Variants in EYS observed in about 807,000 individuals in gnomAD.
EYS encodes the protein protein eyes shut homolog.
In EYS, 250 loss-of-function variants were observed where a neutral mutation model predicts 282.1. That is an observed-to-expected ratio of 0.89 (90% CI 0.80 to 0.98). The LOEUF (loss-of-function observed/expected upper bound fraction) is 0.98. EYS is among the 50% of genes least tolerant of loss of function. EYS has a pLI of 0.00. For synonymous variants in EYS, 1,355 were observed against 1,282.9 expected, an observed-to-expected ratio of 1.06 and a Z score of -1.20; for missense variants, 4,016 against 3,709.0, an observed-to-expected ratio of 1.08 and a Z score of -2.15.
At chr6:65,694,751 A>AC (rs1474855964) in intron 1 of EYS, among the ~76,000 whole-genome samples, 1 of 150,044 alleles carries the variant, frequency 6.7e-6, no homozygotes, top group Non-Finnish European at 1.5e-5. Context: ...TTAAAAAAAA[A>AC]AAAAAAACTT....
At chr6:65,011,340 A>G (rs773245195) in intron 13 of EYS, among the ~76,000 whole-genome samples, 4 of 152,188 alleles carry the variant, frequency 2.6e-5, no homozygotes, top group Non-Finnish European at 5.9e-5. Context: ...TGCAGGCCAT[A>G]CATTTCAATC....
chr6:64,322,314 G>T (rs1770244053), intron 29 of EYS, among the ~76,000 whole-genome samples: 1 of 151,952 alleles, frequency 6.6e-6, no homozygotes, highest in Admixed American at 6.6e-5. Flanking sequence ...GTGGGGCTAG[G>T]TGTTGGTGCA....
intron 14 of EYS, among the ~76,000 whole-genome samples, chr6:64,966,852 C>T (rs547524155): frequency 2.0e-4 from 30 of 152,240 alleles, no homozygotes; most frequent in African/African-American, 7.0e-4. Flanking sequence ...TATAAAGTAA[C>T]TTTCACAAGT....
At chr6:64,131,619 A>G (rs996531028) in intron 31 of EYS, among the ~76,000 whole-genome samples, 13 of 152,280 alleles carry the variant, frequency 8.5e-5, no homozygotes, top group Admixed American at 5.9e-4. Context: ...TGAAAATAGT[A>G]AAAGTGTAGT....
chr6:64,819,648 G>A (rs1372631692), intron 21 of EYS, among the ~76,000 whole-genome samples: 1 of 151,738 alleles, frequency 6.6e-6, no homozygotes, highest in East Asian at 1.9e-4. Context: ...TTGTAGATGA[G>A]AATATAATAA....
intron 26 of EYS, among the ~76,000 whole-genome samples, chr6:64,454,002 TATA>T (rs1049624586): frequency 1.3e-5 from 2 of 151,986 alleles, no homozygotes; most frequent in East Asian, 1.9e-4. Context: ...AAACTTAAAG[TATA>T]ATAATAATAA....
intron 35 of EYS, among the ~76,000 whole-genome samples, chr6:63,887,680 C>T (rs945744149): frequency 6.6e-6 from 1 of 152,212 alleles, no homozygotes; most frequent in Non-Finnish European, 1.5e-5. Context: ...GAGATTCCCT[C>T]GGGTGCCCAC....
At chr6:64,176,750 T>A (rs1297822071) in intron 31 of EYS, among the ~76,000 whole-genome samples, 2 of 152,132 alleles carry the variant, frequency 1.3e-5, no homozygotes, top group Admixed American at 6.6e-5. Flanking sequence ...GTCAATTTGT[T>A]TCTGATAACT....
intron 22 of EYS, among the ~76,000 whole-genome samples, chr6:64,761,388 A>C (rs1039404230): frequency 6.6e-6 from 1 of 152,202 alleles, no homozygotes; most frequent in Non-Finnish European, 1.5e-5. Context: ...ACGTCCTCAC[A>C]AGCTTTTTGT....
At chr6:64,039,425 C>T (rs192384185) in intron 33 of EYS, among the ~76,000 whole-genome samples, 99 of 152,146 alleles carry the variant, frequency 6.5e-4, no homozygotes, top group Non-Finnish European at 6.8e-4. Context: ...CGGTATAGTA[C>T]GAGTAAATTT....
intron 29 of EYS, among the ~76,000 whole-genome samples, chr6:64,308,518 G>T (rs1183250949): frequency 1.3e-5 from 2 of 151,916 alleles, no homozygotes; most frequent in Non-Finnish European, 2.9e-5. Flanking sequence ...TTCAAGCTTA[G>T]GTGAACCAAA....
At chr6:65,523,997 G>A (rs1325177541) in intron 2 of EYS, among the ~76,000 whole-genome samples, 4 of 152,126 alleles carry the variant, frequency 2.6e-5, no homozygotes, top group African/African-American at 2.4e-5. Flanking sequence ...TCAGCCTCCC[G>A]AGTAGCTGGG....
In EYS at chr6:63,809,982, C is replaced by T. The variant is rs189376863; in HGVS notation, c.7229-3610G>A. Among the ~76,000 whole-genome samples, 331 of 151,498 alleles carry T rather than the reference C, an allele frequency of 2.2e-3. 1 individual carries two copies. Among genetic ancestry groups the T allele is most frequent in the African/African-American group, 7.7e-3 (317 of 41,286 alleles). On this transcript the variant is annotated intron_variant, in intron 36 of 42. Coordinates refer to ENST00000503581, the MANE Select transcript of EYS (RefSeq NM_001142800.2). Reference sequence around the variant, plus strand: ...TGTGGCCGGGCACGGTGGCTCATGCCTGTAATCCCAGCACTTTGGGAGGCC... The same window carrying T: ...TGTGGCCGGGCACGGTGGCTCATGCTTGTAATCCCAGCACTTTGGGAGGCC...
chr6:63,953,211 TC>T (rs1189466080), intron 35 of EYS, among the ~76,000 whole-genome samples: 2 of 152,182 alleles, frequency 1.3e-5, no homozygotes, highest in African/African-American at 4.8e-5. Flanking sequence ...CACCCATTAG[TC>T]CCAGCAGCTT....
At chr6:64,324,264 G>C (rs1432764049) in intron 29 of EYS, among the ~76,000 whole-genome samples, 2 of 152,110 alleles carry the variant, frequency 1.3e-5, no homozygotes, top group Non-Finnish European at 2.9e-5. Flanking sequence ...TCCAGTAGCA[G>C]ATCAAAAAGT....
intron 4 of EYS, among the ~76,000 whole-genome samples, chr6:65,492,152 A>T (rs2127268056): frequency 6.6e-6 from 1 of 152,320 alleles, no homozygotes; most frequent in East Asian, 1.9e-4. Flanking sequence ...ATATTTCATT[A>T]TCTTCTTCGA....
chr6:64,368,700 G>A lies in EYS; in HGVS notation c.6078+19990C>T, dbSNP rs111644724. ...TTTCATATGTTTGTTGCCCACATGT[G>A]TGTCTTCTTTTGAAAACTGTTTGTT... On this transcript the variant is annotated intron_variant, in intron 29 of 42. Transcript: ENST00000503581. 4.0e-3 allele frequency among the ~76,000 whole-genome samples: 611 copies of A among 152,100 alleles called. 2 individuals are homozygous for A. The highest frequency in any genetic ancestry group is 0.014 in the African/African-American group (566 of 41,522).
chr6:65,537,379 C>A (rs1019398758), intron 2 of EYS, among the ~76,000 whole-genome samples: 7 of 151,936 alleles, frequency 4.6e-5, no homozygotes, highest in African/African-American at 1.7e-4. Context: ...AATATCATAC[C>A]CTTCAAGTAT....
chr6:65,283,595 T>A (rs1350779906), intron 12 of EYS, among the ~76,000 whole-genome samples: 1 of 152,096 alleles, frequency 6.6e-6, no homozygotes, highest in Non-Finnish European at 1.5e-5. Flanking sequence ...TAATGGAGAT[T>A]ATTTTACTAT....
Sources: gnomAD v4.1 joint callset for allele counts (sites outside exome capture counted in the v4.1 genomes callset) on GRCh38, gnomAD v4.1.1 for gene constraint, MANE v1.5 for transcripts, NCBI Gene and HGNC (gene_info 2026-07-23, HGNC 2026-07-21) for gene names.